Variants in SCN1A observed in about 807,000 individuals in gnomAD.
SCN1A encodes the protein sodium voltage-gated channel alpha subunit 1.
Under a neutral mutation model 193.7 loss-of-function variants are expected in SCN1A, and 13 were observed. The ratio of observed to expected loss-of-function variants is 0.07; its 90% CI spans 0.04 to 0.11. The LOEUF is 0.11. SCN1A is among the 10% of genes least tolerant of loss of function. The pLI is 1.00. For missense variants in SCN1A, 1,432 were observed against 2,451.1 expected (o/e 0.58, Z 8.78); for synonymous variants, 781 against 843.6 (o/e 0.93, Z 1.29).
At chr2:166,027,060 T>C (rs1694889733) in intron 19 of SCN1A, 1 of 152,218 alleles carries the variant, frequency 6.6e-6, no homozygotes, top group African/African-American at 2.4e-5. Context: ...ACATGAATCT[T>C]AATAGCTAAA....
chr2:166,039,910 CTTT>C (rs10523688), intron 16 of SCN1A, among the ~76,000 whole-genome samples: 21 of 110,878 alleles, frequency 1.9e-4, no homozygotes, highest in South Asian at 6.5e-4. Context: ...TACAAGTCAT[CTTT>C]TTTTTTTTTT....
rs200415113 is a variant in SCN1A, at chr2:166,052,625, A to C, written c.694+227T>G. Among the ~76,000 whole-genome samples, 21 of 151,036 alleles carry C rather than the reference A, an allele frequency of 1.4e-4. 1 individual carries two copies. In the East Asian group the frequency reaches 2.1e-3, roughly 15 times the overall value. ...AACTAACATGGTGAAAAAAAAAAAA[A>C]CCCATGATATTTGTAAGTGCAGGTC... On this transcript the variant is annotated intron_variant, in intron 8 of 28. Transcript: ENST00000674923.
chr2:166,055,780 C>T (rs150152092), intron 6 of SCN1A, among the ~76,000 whole-genome samples: 340 of 152,052 alleles, frequency 2.2e-3, no homozygotes, highest in African/African-American at 7.9e-3. Context: ...CTCTGTGCTT[C>T]GAAGGTATCC....
chr2:165,992,671 T>TTTTAG lies in SCN1A; in HGVS notation c.4853-254_4853-250dup, dbSNP rs1330072215. ...TCTTTAAGAGATGTTTATAAACTAC[T>TTTTAG]TTTAGTTTATGTAAAGTCCCAAGTC... On this transcript the variant is annotated intron_variant, in intron 28 of 28. Transcript: ENST00000674923. The surrounding 1 kb of genome is among the most constrained non-coding windows in gnomAD (Gnocchi z 6.5). 2 of 189,190 alleles carry TTTTAG rather than the reference T, an allele frequency of 1.1e-5. No homozygotes were observed. Among genetic ancestry groups the TTTTAG allele is most frequent in the Non-Finnish European group, 2.1e-5 (2 of 96,188 alleles). The allele number at this position is 189,190 out of a possible 1,614,324, so 11.7% of individuals were successfully genotyped here. A position where few individuals can be genotyped will look rare whatever the true frequency, so the allele number is the denominator to read the frequency against.
chr2:166,047,417 A>G (rs1697975262), intron 11 of SCN1A, among the ~76,000 whole-genome samples: 1 of 152,112 alleles, frequency 6.6e-6, no homozygotes, highest in African/African-American at 2.4e-5. Flanking sequence ...GGTAGGGAAC[A>G]GGTTTTGAGC....
At chr2:166,044,142 A>G in intron 13 of SCN1A, 93 bp from the exon 14 acceptor site, 1 of 1,376,484 alleles carries the variant, frequency 7.3e-7, no homozygotes, top group Non-Finnish European at 1.0e-6. Flanking sequence ...AGGAGATTTC[A>G]GCATTCATAA....
intron 2 of SCN1A, among the ~76,000 whole-genome samples, chr2:166,082,724 G>A (rs1184715920): frequency 6.6e-6 from 1 of 151,976 alleles, no homozygotes; most frequent in African/African-American, 2.4e-5. Context: ...CTGAGCAGAT[G>A]ACTTTATATA....
In SCN1A at chr2:166,107,483, A is replaced by G. The variant is rs1315308013; in HGVS notation, c.-142+19441T>C. On this transcript the variant is annotated intron_variant, in intron 2 of 28. Transcript: ENST00000674923. ...AGTTATAAAAAAAAATCAAAAGTTA[A>G]AATACAGAATATGTTACAGTATTGA... 3.3e-5 allele frequency among the ~76,000 whole-genome samples: 5 copies of G among 152,318 alleles called. No individual in the cohort carries two copies. The South Asian group carries it at 1.0e-3, about 32-fold the overall frequency.
rs758014915 is a variant in SCN1A at position 165,999,744 on chromosome 2, A to G, written c.4317T>C (p.Tyr1439=). ...ATFKGWMDIM[Y]AAVDSRNVEL... is the part of the protein sequence containing the mutation. Reference sequence around the variant, plus strand: ...TTACATTTCTGGAATCAACTGCTGCATACATTATATCCATCCATCCTTTGA... The same window carrying G: ...TTACATTTCTGGAATCAACTGCTGCGTACATTATATCCATCCATCCTTTGA... The change falls in exon 25 of 29, where the codon TAT becomes TAC. Residue 1439 remains tyrosine (Y), a synonymous_variant. Coordinates refer to ENST00000674923, the MANE Select transcript of SCN1A (RefSeq NM_001165963.4). The G allele has an allele frequency of 2.6e-5, 42 of 1,607,678 alleles. No individual in the cohort carries two copies. The Admixed American group carries it at 6.9e-4, about 26-fold the overall frequency.
At chr2:166,062,625 T>C (rs879357254) in intron 4 of SCN1A, among the ~76,000 whole-genome samples, 1 of 152,068 alleles carries the variant, frequency 6.6e-6, no homozygotes, top group African/African-American at 2.4e-5. Context: ...TTTTCAAATA[T>C]ATAAATATTT....
intron 4 of SCN1A, among the ~76,000 whole-genome samples, chr2:166,069,897 AC>A (rs1194847927): frequency 6.6e-6 from 1 of 152,144 alleles, no homozygotes; most frequent in Non-Finnish European, 1.5e-5. Flanking sequence ...CCACTGTTTG[AC>A]CATTTAGCTG....
At chr2:166,014,797 T>C (rs1693056130) in intron 20 of SCN1A, among the ~76,000 whole-genome samples, 1 of 151,582 alleles carries the variant, frequency 6.6e-6, no homozygotes. Flanking sequence ...AAAAGTAACA[T>C]GTAACTGTTC....
chr2:166,001,835 TG>T (rs1435525581), intron 24 of SCN1A, among the ~76,000 whole-genome samples: 27 of 151,202 alleles, frequency 1.8e-4, no homozygotes, highest in Admixed American at 1.3e-4. Flanking sequence ...CAGCTGCTTT[TG>T]CTTCATTTTT....
intron 24 of SCN1A, among the ~76,000 whole-genome samples, chr2:166,002,044 C>T (rs1334492831): frequency 1.3e-5 from 2 of 151,418 alleles, no homozygotes; most frequent in African/African-American, 4.8e-5. Context: ...TTAATCCCTA[C>T]CAATTAATTA....
downstream of SCN1A, chr2:165,985,490 G>T: frequency 6.6e-6 from 1 of 152,070 alleles, no homozygotes; most frequent in East Asian, 1.9e-4. Flanking sequence ...TCACTGGATA[G>T]GAAAGAAATT....
chr2:166,050,649 A>ATGTAT (rs1559235347), intron 9 of SCN1A, among the ~76,000 whole-genome samples: 3 of 124,814 alleles, frequency 2.4e-5, no homozygotes, highest in African/African-American at 8.8e-5. Flanking sequence ...GTGTGTATAT[A>ATGTAT]TTTTTTTTTT....
At chr2:166,051,194 A>G (rs1698518713) in intron 9 of SCN1A, among the ~76,000 whole-genome samples, 1 of 152,048 alleles carries the variant, frequency 6.6e-6, no homozygotes, top group South Asian at 2.1e-4. Flanking sequence ...GGCATTTAGG[A>G]GTCAAAACTA....
At chr2:166,063,151 G>T (rs1683493780) in intron 4 of SCN1A, among the ~76,000 whole-genome samples, 1 of 152,080 alleles carries the variant, frequency 6.6e-6, no homozygotes, top group African/African-American at 2.4e-5. Flanking sequence ...TGCTTTAATT[G>T]CAGTTCTACA....
At chr2:166,049,430 C>A (rs1179397277) in intron 9 of SCN1A, among the ~76,000 whole-genome samples, 1 of 147,528 alleles carries the variant, frequency 6.8e-6, no homozygotes, top group Non-Finnish European at 1.5e-5. Context: ...ATATTTTTAA[C>A]ACTATACATT....
Sources: gnomAD v4.1 joint callset for allele counts (sites outside exome capture counted in the v4.1 genomes callset) on GRCh38, gnomAD v4.1.1 for gene constraint, Gnocchi (gnomAD v3.1) non-coding constraint, MANE v1.5 for transcripts, NCBI Gene and HGNC (gene_info 2026-07-23, HGNC 2026-07-21) for gene names.